Variants in CDK17 observed in about 807,000 individuals in gnomAD.
CDK17 encodes the protein cyclin dependent kinase 17.
CDK17 carries 24 observed loss-of-function variants against 77.6 expected under a neutral mutation model. The ratio of observed to expected loss-of-function variants is 0.31; its 90% CI spans 0.22 to 0.44. The LOEUF is 0.44. CDK17 is among the 20% of genes least tolerant of loss of function. CDK17 has a pLI of 1.00. For missense variants in CDK17, 429 were observed against 622.5 expected, an observed-to-expected ratio of 0.69 and a Z score of 3.31; for synonymous variants, 203 against 210.4, an observed-to-expected ratio of 0.96 and a Z score of 0.30.
chr12:96,370,914 A>G (rs1026034592), intron 1 of CDK17, among the ~76,000 whole-genome samples: 3 of 152,134 alleles, frequency 2.0e-5, no homozygotes, highest in African/African-American at 7.2e-5. Context: ...AAGAGTATAA[A>G]CAGGTCCTGA....
intron 1 of CDK17, among the ~76,000 whole-genome samples, chr12:96,378,791 T>C (rs1953829788): frequency 6.6e-6 from 1 of 152,276 alleles, no homozygotes; most frequent in Middle Eastern, 3.4e-3. Context: ...CTATTAAAAA[T>C]AAAGATCTTT....
intron 1 of CDK17, among the ~76,000 whole-genome samples, chr12:96,376,203 T>C (rs1953780020): frequency 6.6e-6 from 1 of 152,200 alleles, no homozygotes; most frequent in South Asian, 2.1e-4. Context: ...AAAACCCATA[T>C]AAACCAACAT....
rs184548196 is a variant in CDK17 at position 96,349,146 on chromosome 12, T to C, written c.-29-14281A>G. On this transcript the variant is annotated intron_variant, in intron 1 of 16. Coordinates refer to ENST00000261211, the MANE Select transcript of CDK17 (RefSeq NM_002595.5). ...ATTTGTCTCAAGAATGCGACGGTGG[T>C]TCAACATAAGAAAATCAATTAATGT... 3.9e-5 allele frequency among the ~76,000 whole-genome samples: 6 copies of C among 152,146 alleles called. No individual in the cohort carries two copies. The East Asian group carries it at 1.2e-3, about 29-fold the overall frequency.
intron 1 of CDK17, among the ~76,000 whole-genome samples, chr12:96,382,731 C>A (rs1376913096): frequency 6.6e-6 from 1 of 152,084 alleles, no homozygotes; most frequent in Non-Finnish European, 1.5e-5. Flanking sequence ...ATGTGATTCA[C>A]CACTAAAACA....
intron 5 of CDK17, 63 bp downstream of exon 5, chr12:96,310,989 A>C (rs1450181406): frequency 6.7e-7 from 1 of 1,499,582 alleles, no homozygotes; most frequent in Non-Finnish European, 8.9e-7. Context: ...AAATGTTTAC[A>C]CCCAGAAGCA....
At chr12:96,291,650 A>C (rs1319753518) in intron 10 of CDK17, among the ~76,000 whole-genome samples, 8 of 80,754 alleles carry the variant, frequency 9.9e-5, no homozygotes, top group African/African-American at 3.6e-4. Flanking sequence ...TTTTTTTTTG[A>C]GATGAAGTCT....
intron 3 of CDK17, among the ~76,000 whole-genome samples, chr12:96,318,849 A>G (rs1201401379): frequency 1.1e-5 from 1 of 88,538 alleles, no homozygotes; most frequent in African/African-American, 4.5e-5. Flanking sequence ...AGAAAGCAGG[A>G]AAGATCCAAA....
chr12:96,337,783 C>G (rs1953065463), intron 1 of CDK17, among the ~76,000 whole-genome samples: 1 of 152,156 alleles, frequency 6.6e-6, no homozygotes, highest in Admixed American at 6.5e-5. Flanking sequence ...CTTTACACTA[C>G]TTTACACTAG....
At chr12:96,356,322 A>T (rs1378306969) in intron 1 of CDK17, among the ~76,000 whole-genome samples, 1 of 152,178 alleles carries the variant, frequency 6.6e-6, no homozygotes, top group East Asian at 1.9e-4. Context: ...TTGAGACAGG[A>T]TCTCACTTTG....
Position 96,299,934 on chromosome 12 carries a change from G to A in CDK17, c.600+370C>T, listed in dbSNP as rs534124344. 1.2e-4 allele frequency among the ~76,000 whole-genome samples: 19 copies of A among 152,274 alleles called. No homozygotes were observed. The South Asian group carries it at 3.9e-3, about 32-fold the overall frequency. The stretch of plus-strand genomic sequence containing the variant: ...AGAATTTCCGTAACCTTCAAAAAAT[G>A]TGTTTTTATCTTTATTCTGATTTTT... On this transcript the variant is annotated intron_variant, in intron 6 of 16. Transcript: ENST00000261211.
chr12:96,392,706 G>T (rs994187995), intron 1 of CDK17, among the ~76,000 whole-genome samples: 1 of 152,132 alleles, frequency 6.6e-6, no homozygotes, highest in Non-Finnish European at 1.5e-5. Context: ...TTAGGTAAGG[G>T]AGCACTAAGG....
chr12:96,307,806 T>C (rs879418608), intron 5 of CDK17, among the ~76,000 whole-genome samples: 17 of 151,962 alleles, frequency 1.1e-4, no homozygotes, highest in South Asian at 4.1e-4. Context: ...GAGGCAGAGG[T>C]TGCAACGAGC....
chr12:96,324,339 T>C (rs778732469), intron 2 of CDK17, among the ~76,000 whole-genome samples: 4 of 152,248 alleles, frequency 2.6e-5, no homozygotes, highest in African/African-American at 4.8e-5. Context: ...CTATTTCTTA[T>C]ATAATCAAAA....
chr12:96,300,505 T>G (rs1200907556), intron 5 of CDK17, 145 bp from the exon 6 acceptor site: 1 of 554,838 alleles, frequency 1.8e-6, no homozygotes, highest in East Asian at 3.3e-5. Flanking sequence ...CAAGTGATTC[T>G]CCTGCCTCAG....
intron 1 of CDK17, among the ~76,000 whole-genome samples, chr12:96,386,200 T>G (rs1021295321): frequency 6.6e-5 from 10 of 152,202 alleles, no homozygotes; most frequent in African/African-American, 2.2e-4. Flanking sequence ...TTTGCCATGT[T>G]GCCCAGGCTT....
intron 1 of CDK17, among the ~76,000 whole-genome samples, chr12:96,346,683 A>G (rs1953215811): frequency 6.6e-6 from 1 of 151,942 alleles, no homozygotes. Flanking sequence ...TTTGGAGGGC[A>G]ACACAAGTGG....
At chr12:96,361,315 G>T (rs750555697) in intron 1 of CDK17, among the ~76,000 whole-genome samples, 8 of 152,166 alleles carry the variant, frequency 5.3e-5, no homozygotes, top group Non-Finnish European at 1.2e-4. Context: ...TGAACAGGAA[G>T]AAGAAGCAAA....
At chr12:96,304,032 C>T (rs1206876837) in intron 5 of CDK17, among the ~76,000 whole-genome samples, 1 of 152,118 alleles carries the variant, frequency 6.6e-6, no homozygotes, top group Non-Finnish European at 1.5e-5. Context: ...AAACAAATAA[C>T]CATAATAATA....
intron 1 of CDK17, among the ~76,000 whole-genome samples, chr12:96,363,400 G>A (rs1430996437): frequency 8.2e-5 from 12 of 147,012 alleles, no homozygotes; most frequent in African/African-American, 3.0e-4. Context: ...GCAGTGAGCC[G>A]AGATGGGCCA....
Sources: gnomAD v4.1 joint callset for allele counts (sites outside exome capture counted in the v4.1 genomes callset) on GRCh38, gnomAD v4.1.1 for gene constraint, MANE v1.5 for transcripts, NCBI Gene and HGNC (gene_info 2026-07-23, HGNC 2026-07-21) for gene names.